The following PXDNL variants were observed in gnomAD, a reference collection of about 807,000 sequenced individuals.
The protein encoded by PXDNL is peroxidasin like, also known as probable oxidoreductase PXDNL.
In PXDNL, 145 loss-of-function variants were observed where a neutral mutation model predicts 150.8. That is an observed-to-expected ratio of 0.96 (90% CI 0.84 to 1.10). The LOEUF is 1.10. Ranked by LOEUF, PXDNL falls within the 50% of genes least tolerant of loss-of-function variation. PXDNL has a pLI of 0.00. For missense variants in PXDNL, 2,087 were observed against 1,873.9 expected, an observed-to-expected ratio of 1.11 and a Z score of -2.10; for synonymous variants, 757 against 725.7, an observed-to-expected ratio of 1.04 and a Z score of -0.69.
At chr8:51,723,287 G>C (rs1485960348) in intron 1 of PXDNL, among the ~76,000 whole-genome samples, 3 of 152,108 alleles carry the variant, frequency 2.0e-5, no homozygotes, top group African/African-American at 7.2e-5. Flanking sequence ...CACAAATTGA[G>C]AGTCAAATGG....
At chr8:51,747,802 A>G (rs1009067412) in intron 1 of PXDNL, among the ~76,000 whole-genome samples, 8 of 152,212 alleles carry the variant, frequency 5.3e-5, no homozygotes, top group Admixed American at 3.3e-4. Context: ...CAACCTGGTC[A>G]TTGAAGCAAT....
chr8:51,809,285 T>C lies in PXDNL; in HGVS notation c.60A>G (p.Pro20=), dbSNP rs775252940. Residue 20 remains proline, a synonymous_variant, in exon 1 of 23, where the codon CCA becomes CCG. Coordinates refer to ENST00000356297, the MANE Select transcript of PXDNL (RefSeq NM_144651.5). ...TLFLLAGWCL[P]GLPCPSRCLC... is the part of the protein sequence containing the mutation. ...GGCACCGGCTGGGGCAGGGCAACCC[T>C]GGCAGGCACCACCCGGCCAGGAGAA... The C allele has an allele frequency of 3.8e-6, 6 of 1,593,704 alleles. No homozygotes were observed. In the East Asian group the frequency reaches 1.4e-4, roughly 36 times the overall value.
rs565676475 is a variant in PXDNL at position 51,744,625 on chromosome 8, A to G, written c.164+64556T>C. On this transcript the variant is annotated intron_variant, in intron 1 of 22. Transcript: ENST00000356297. ...TGGGAGGTGGAGCTTGCAGTGAGCC[A>G]AGATGGCACCACTGCACTCTAGCCT... 2.1e-5 allele frequency among the ~76,000 whole-genome samples: 3 copies of G among 141,600 alleles called. No individual in the cohort carries two copies. The East Asian group carries it at 6.9e-4, about 32-fold the overall frequency. 92.9% of individuals were successfully genotyped at this position (141,600 alleles called of 152,430 possible).
chr8:51,706,811 C>A (rs1303229788), intron 1 of PXDNL, among the ~76,000 whole-genome samples: 1 of 152,174 alleles, frequency 6.6e-6, no homozygotes, highest in African/African-American at 2.4e-5. Flanking sequence ...CTCCTCTTTG[C>A]TAAGAGTGTA....
intron 1 of PXDNL, among the ~76,000 whole-genome samples, chr8:51,781,598 T>C (rs1403555064): frequency 6.6e-6 from 1 of 152,194 alleles, no homozygotes; most frequent in Non-Finnish European, 1.5e-5. Flanking sequence ...ACCTTCCTTT[T>C]AGTGGAAACT....
rs1434009328 is a variant in PXDNL at position 51,472,266 on chromosome 8, C to T, written c.733G>A (p.Val245Ile). The T allele has an allele frequency of 3.1e-6, 5 of 1,613,288 alleles. No homozygotes were observed. Among genetic ancestry groups the T allele is most frequent in the South Asian group, 1.1e-5 (1 of 91,048 alleles). Residue 245 changes from valine to isoleucine, a missense_variant, in exon 8 of 23, where the codon GTA becomes ATA. Val to Ile is a conservative substitution (Grantham distance 29). Transcript: ENST00000356297. ...RITFEPQDVE[V>I]PSGNTVYFTC... ...AAGTAGACGGTATTTCCTGATGGTA[C>T]CTCCACATCCTGCGGCTCAAAAGTA...
At chr8:51,323,481 G>A (rs1319147491) in intron 21 of PXDNL, among the ~76,000 whole-genome samples, 1 of 152,022 alleles carries the variant, frequency 6.6e-6, no homozygotes, top group East Asian at 1.9e-4. Context: ...TAAAGATGGG[G>A]TCTCGCTATA....
At chr8:51,563,532 A>G (rs1812757778) in intron 3 of PXDNL, among the ~76,000 whole-genome samples, 1 of 151,988 alleles carries the variant, frequency 6.6e-6, no homozygotes, top group Non-Finnish European at 1.5e-5. Flanking sequence ...TCAATCCATA[A>G]CAGTATTTTA....
chr8:51,530,963 G>A (rs1471904708), intron 4 of PXDNL, among the ~76,000 whole-genome samples: 1 of 152,194 alleles, frequency 6.6e-6, no homozygotes, highest in Admixed American at 6.5e-5. Context: ...CAAAATAGAT[G>A]CTCAGTAAAT....
rs7003143 is a variant in PXDNL at position 51,585,722 on chromosome 8, C to T, written c.308+6905G>A. 5.9e-3 allele frequency among the ~76,000 whole-genome samples: 900 copies of T among 152,154 alleles called. 3 individuals are homozygous for T. Among genetic ancestry groups the T allele is most frequent in the African/African-American group, 0.021 (852 of 41,514 alleles). On this transcript the variant is annotated intron_variant, in intron 3 of 22. Coordinates refer to ENST00000356297, the MANE Select transcript of PXDNL (RefSeq NM_144651.5). ...TTCGGTCCTTGTCAAACTTGCTAGC[C>T]TTATTTCTCATCATGCTCCATTCAG...
At chr8:51,608,657 G>A (rs1813925119) in intron 2 of PXDNL, among the ~76,000 whole-genome samples, 2 of 149,064 alleles carry the variant, frequency 1.3e-5, no homozygotes, top group South Asian at 4.2e-4. Flanking sequence ...CTAACACGGT[G>A]AAACCCCGTC....
chr8:51,431,250 C>T (rs965679939), intron 12 of PXDNL, among the ~76,000 whole-genome samples: 1 of 152,186 alleles, frequency 6.6e-6, no homozygotes, highest in Non-Finnish European at 1.5e-5. Context: ...CCTCTCCTTC[C>T]TTTAGAAAAT....
intron 1 of PXDNL, among the ~76,000 whole-genome samples, chr8:51,727,683 A>G (rs956248696): frequency 1.3e-5 from 2 of 152,226 alleles, no homozygotes; most frequent in African/African-American, 4.8e-5. Flanking sequence ...ACCTAGACTC[A>G]GTCAACCACA....
chr8:51,626,258 T>C (rs1814358693), intron 2 of PXDNL, among the ~76,000 whole-genome samples: 2 of 152,228 alleles, frequency 1.3e-5, no homozygotes, highest in Admixed American at 1.3e-4. Flanking sequence ...TGACTACTCA[T>C]CTATACAACT....
At chr8:51,595,646 G>A (rs532445516) in intron 2 of PXDNL, among the ~76,000 whole-genome samples, 2 of 152,276 alleles carry the variant, frequency 1.3e-5, no homozygotes, top group South Asian at 4.1e-4. Flanking sequence ...GCGTACCAAA[G>A]TAAACATAGT....
intron 3 of PXDNL, among the ~76,000 whole-genome samples, chr8:51,558,810 T>A (rs749853992): frequency 3.3e-5 from 5 of 152,070 alleles, no homozygotes; most frequent in Non-Finnish European, 7.4e-5. Context: ...TATATTCAAG[T>A]TATAGGACCA....
chr8:51,798,107 G>A (rs1301342223), intron 1 of PXDNL, among the ~76,000 whole-genome samples: 1 of 152,150 alleles, frequency 6.6e-6, no homozygotes, highest in Non-Finnish European at 1.5e-5. Context: ...AAGGTGCTGG[G>A]TAAACTGGCT....
chr8:51,415,940 C>A (rs778685002), intron 14 of PXDNL, among the ~76,000 whole-genome samples: 5 of 152,064 alleles, frequency 3.3e-5, no homozygotes, highest in Non-Finnish European at 7.4e-5. Flanking sequence ...CATTAGTCTG[C>A]TTATGTGTTC....
At chr8:51,616,497 C>T (rs554399723) in intron 2 of PXDNL, among the ~76,000 whole-genome samples, 31 of 152,264 alleles carry the variant, frequency 2.0e-4, no homozygotes, top group African/African-American at 5.8e-4. Context: ...CATAGCTATA[C>T]AGATATCTGT....
Sources: allele counts gnomAD v4.1 joint callset (sites outside exome capture counted in the v4.1 genomes callset), GRCh38; gene constraint gnomAD v4.1.1; transcripts MANE v1.5; gene names NCBI Gene and HGNC (gene_info 2026-07-23, HGNC 2026-07-21).